IL1RAPL2: variants seen among roughly 807,000 people sequenced by gnomAD.
The protein encoded by IL1RAPL2 is X-linked interleukin-1 receptor accessory protein-like 2.
Under a neutral mutation model 44.1 loss-of-function variants are expected in IL1RAPL2, and 3 were observed. That is an observed-to-expected ratio of 0.07 (90% CI 0.03 to 0.18). The LOEUF is 0.18. Ranked by LOEUF, IL1RAPL2 falls within the 10% of genes least tolerant of loss-of-function variation. The pLI is 1.00. For missense variants in IL1RAPL2, 391 were observed against 496.4 expected (o/e 0.79, Z 2.02); for synonymous variants, 181 against 178.8 (o/e 1.01, Z -0.10).
At chrX:105,196,992 G>A (rs1358490530) in intron 3 of IL1RAPL2, among the ~76,000 whole-genome samples, 1 of 111,599 alleles carries the variant, frequency 9.0e-6, no homozygotes, top group Non-Finnish European at 1.9e-5. Flanking sequence ...AGCCCCTGGC[G>A]AGGTCTCATT....
At chrX:105,750,753 A>G (rs2038590421) in intron 9 of IL1RAPL2, among the ~76,000 whole-genome samples, 1 of 110,293 alleles carries the variant, frequency 9.1e-6, no homozygotes, top group Non-Finnish European at 1.9e-5. Context: ...GGCCTATTCC[A>G]ATAATTATTG....
intron 2 of IL1RAPL2, among the ~76,000 whole-genome samples, chrX:104,843,526 C>A (rs780824504): frequency 3.6e-5 from 4 of 111,090 alleles, no homozygotes; most frequent in Non-Finnish European, 7.6e-5. Context: ...AACCCAGGGC[C>A]CTGGTTGTAT....
At chrX:104,786,919 TTCTCTCTCTCTCTCTCTCTCTCTCTC>T (rs58609782) in intron 2 of IL1RAPL2, among the ~76,000 whole-genome samples, 424 of 36,679 alleles carry the variant, frequency 0.012, 12 homozygotes, top group South Asian at 0.08. Context: ...CTCATTCATA[TTCTCTCTCTCTCTCTCTCTCTCTCTC>T]TCTCTCTCTC....
At chrX:104,650,469 G>T (rs1930131871) in intron 1 of IL1RAPL2, among the ~76,000 whole-genome samples, 1 of 111,095 alleles carries the variant, frequency 9.0e-6, no homozygotes, top group Admixed American at 9.6e-5. Context: ...AGTGGTCACT[G>T]TTGTAAGACA....
intron 3 of IL1RAPL2, among the ~76,000 whole-genome samples, chrX:105,199,461 T>C (rs1440101034): frequency 2.7e-5 from 3 of 110,826 alleles, no homozygotes; most frequent in Admixed American, 1.9e-4. Flanking sequence ...CTAGATTTGG[T>C]TGCTAGGTAT....
chrX:104,981,279 C>T (rs1030288042), intron 2 of IL1RAPL2, among the ~76,000 whole-genome samples: 2 of 110,421 alleles, frequency 1.8e-5, no homozygotes, highest in Non-Finnish European at 3.8e-5. Flanking sequence ...TCCTCACTCT[C>T]CTCCTACCCT....
At chrX:105,251,787 T>C (rs5962492) in intron 4 of IL1RAPL2, among the ~76,000 whole-genome samples, 15,990 of 109,605 alleles carry the variant, frequency 0.15, 2,270 homozygotes, top group African/African-American at 0.44. Flanking sequence ...ATAGCTGTTA[T>C]ATACCCTAGA....
At chrX:105,276,708 C>A (rs1283182791) in intron 5 of IL1RAPL2, among the ~76,000 whole-genome samples, 1 of 112,354 alleles carries the variant, frequency 8.9e-6, no homozygotes, top group African/African-American at 3.2e-5. Flanking sequence ...ATGGGGACTG[C>A]ATGTTTGTGG....
chrX:105,034,015 A>T (rs61530049), intron 2 of IL1RAPL2, among the ~76,000 whole-genome samples: 3 of 111,658 alleles, frequency 2.7e-5, no homozygotes, highest in Admixed American at 9.5e-5. Flanking sequence ...GTTGATTGCA[A>T]TGGCTCCTGA....
intron 2 of IL1RAPL2, among the ~76,000 whole-genome samples, chrX:105,015,159 GT>G (rs770150200): frequency 0.061 from 6,487 of 105,573 alleles, 541 homozygotes; most frequent in African/African-American, 0.21. Context: ...TTTTGATGGG[GT>G]TTTTTTTTTC....
At chrX:104,831,871 T>G (rs1921617719) in intron 2 of IL1RAPL2, among the ~76,000 whole-genome samples, 1 of 111,775 alleles carries the variant, frequency 8.9e-6, no homozygotes, top group African/African-American at 3.2e-5. Flanking sequence ...TACTTTTATC[T>G]CTCCACATTT....
intron 2 of IL1RAPL2, among the ~76,000 whole-genome samples, chrX:104,774,440 G>T (rs1372456722): frequency 8.9e-6 from 1 of 111,873 alleles, no homozygotes; most frequent in Non-Finnish European, 1.9e-5. Context: ...GCATGACTAA[G>T]TAGTAGTACT....
At chrX:104,908,777 G>T (rs915625909) in intron 2 of IL1RAPL2, among the ~76,000 whole-genome samples, 41 of 108,467 alleles carry the variant, frequency 3.8e-4, no homozygotes, top group Non-Finnish European at 7.5e-4. Context: ...TGACAATTTT[G>T]TGTCTTGGAG....
At chrX:105,389,403 T>G (rs1324762140) in intron 5 of IL1RAPL2, among the ~76,000 whole-genome samples, 1 of 112,106 alleles carries the variant, frequency 8.9e-6, no homozygotes, top group African/African-American at 3.2e-5. Flanking sequence ...CCCATTTGAC[T>G]CCCTCTCTTA....
At chrX:105,626,444 A>AG (rs2037453704) in intron 6 of IL1RAPL2, among the ~76,000 whole-genome samples, 1 of 111,288 alleles carries the variant, frequency 9.0e-6, no homozygotes, top group South Asian at 3.8e-4. Context: ...TCTCTAGCCT[A>AG]GAGAGATGGA....
At chrX:105,275,012 A>G in intron 5 of IL1RAPL2, among the ~76,000 whole-genome samples, 1 of 111,509 alleles carries the variant, frequency 9.0e-6, no homozygotes, top group Non-Finnish European at 1.9e-5. Flanking sequence ...GGAGTTCAAG[A>G]CTAGCCTGAC....
intron 6 of IL1RAPL2, among the ~76,000 whole-genome samples, chrX:105,651,560 T>C (rs2147843348): frequency 8.9e-6 from 1 of 111,901 alleles, no homozygotes; most frequent in South Asian, 3.7e-4. Flanking sequence ...TCTGTATCTT[T>C]ATATATTATT....
chrX:105,277,644 G>A (rs1218350740), intron 5 of IL1RAPL2, among the ~76,000 whole-genome samples: 1 of 111,315 alleles, frequency 9.0e-6, no homozygotes, highest in Non-Finnish European at 1.9e-5. Flanking sequence ...TAACATATTT[G>A]CAATTTAATA....
chrX:105,271,806 G>A (rs1468518823), intron 5 of IL1RAPL2, among the ~76,000 whole-genome samples: 1 of 108,792 alleles, frequency 9.2e-6, no homozygotes, highest in African/African-American at 3.4e-5. Flanking sequence ...AAGCAATTGT[G>A]AATGGGAGTT....
Sources: gnomAD v4.1 joint callset for allele counts (sites outside exome capture counted in the v4.1 genomes callset) on GRCh38, gnomAD v4.1.1 for gene constraint, MANE v1.5 for transcripts, NCBI Gene and HGNC (gene_info 2026-07-23, HGNC 2026-07-21) for gene names.